The following SLC38A2 variants were observed in gnomAD, a reference collection of about 807,000 sequenced individuals.
The protein encoded by SLC38A2 is solute carrier family 38 member 2.
A neutral mutation model predicts 61.5 loss-of-function variants in SLC38A2; 11 were observed. That is an observed-to-expected ratio of 0.18 (90% CI 0.11 to 0.30). SLC38A2 has a LOEUF of 0.30. Ranked by LOEUF, SLC38A2 falls within the 10% of genes least tolerant of loss-of-function variation. SLC38A2 has a pLI of 1.00. For synonymous variants in SLC38A2, 217 were observed against 212.5 expected (o/e 1.02, Z -0.18); for missense variants, 522 against 600.4 (o/e 0.87, Z 1.36).
chr12:46,361,056 G>A lies in SLC38A2; in HGVS notation c.*55C>T. 2 of 1,344,436 alleles carry A rather than the reference G, an allele frequency of 1.5e-6. No individual in the cohort carries two copies. The highest frequency in any genetic ancestry group is 2.1e-6 in the Non-Finnish European group (2 of 946,736). The allele number at this position is 1,344,436 out of a possible 1,614,324, so 83.3% of individuals were successfully genotyped here. A position where few individuals can be genotyped will look rare whatever the true frequency, so the allele number is the denominator to read the frequency against. On this transcript the variant is annotated 3_prime_UTR_variant, in exon 16 of 16. Coordinates refer to ENST00000256689, the MANE Select transcript of SLC38A2 (RefSeq NM_018976.5). ...CATTAGGTGAAATTTCATAGTAGTT[G>A]AGTTTACTCAACACTGGCATCAGAT...
rs1396586310 is a variant in SLC38A2, at chr12:46,365,120, C to G, written c.633G>C (p.Leu211=). ...GAGTTTGCTCACCTAAATTTCTAAA[C>G]AGCGACAAAGGAAGAATGACCACCA... The part of the protein sequence containing the change: ...VSLVVILPLS[L]FRNLGYLGYT... Residue 211 remains leucine (L), a synonymous_variant, in exon 8 of 16, where the codon CTG becomes CTC. Transcript: ENST00000256689. 2 of 1,613,178 alleles carry G rather than the reference C, an allele frequency of 1.2e-6. No homozygotes were observed. The highest frequency in any genetic ancestry group is 1.7e-6 in the Non-Finnish European group (2 of 1,179,510).
intron 4 of SLC38A2, 43 bp downstream of exon 4, chr12:46,370,469 G>C (rs756692450): frequency 3.7e-5 from 52 of 1,416,114 alleles, no homozygotes; most frequent in Non-Finnish European, 5.1e-5. Context: ...TTTTACCATA[G>C]TAACTGCCCT....
Position 46,365,205 on chromosome 12 carries a change from A to C in SLC38A2, c.564-16T>G. ...ATACCACAATCTAAAGAAAACAGAA[A>C]CAAGGTCAAAACAGTCACAAATATC... is the stretch of plus-strand genomic sequence containing the variant. On this transcript the variant is annotated splice_polypyrimidine_tract_variant and intron_variant, in intron 7 of 15. Coordinates refer to ENST00000256689, the MANE Select transcript of SLC38A2 (RefSeq NM_018976.5). 1 of 1,602,770 alleles carries C rather than the reference A, an allele frequency of 6.2e-7. No homozygotes were observed. Among genetic ancestry groups the C allele is most frequent in the Non-Finnish European group, 8.5e-7 (1 of 1,169,864 alleles).
chr12:46,358,600 A>G lies in SLC38A2; in HGVS notation c.*2511T>C, dbSNP rs1473075022. 1 of 152,478 alleles carries G rather than the reference A, an allele frequency of 6.6e-6. No homozygotes were observed. Among genetic ancestry groups the G allele is most frequent in the Admixed American group, 6.5e-5 (1 of 15,270 alleles). 9.4% of individuals were successfully genotyped at this position (152,478 alleles called of 1,614,324 possible). On this transcript the variant is annotated 3_prime_UTR_variant, in exon 16 of 16. Transcript: ENST00000256689. ...TTTCTGTACAGGTACTTTTGGGACA[A>G]TTCTTATAGTTACATAATGTGAATT...
At chr12:46,368,892 A>G (rs1410175503) in intron 4 of SLC38A2, among the ~76,000 whole-genome samples, 2 of 152,218 alleles carry the variant, frequency 1.3e-5, no homozygotes, top group African/African-American at 4.8e-5. Context: ...GATTCTACTT[A>G]AACAGGTTAG....
At chr12:46,364,337 C>T in intron 10 of SLC38A2, 52 bp downstream of exon 10, 1 of 1,497,732 alleles carries the variant, frequency 6.7e-7, no homozygotes, top group South Asian at 1.4e-5. Context: ...GAATAGCTTC[C>T]CTCTTTTCTT....
In SLC38A2 at chr12:46,359,493, T is replaced by C. The variant is rs1436565750; in HGVS notation, c.*1618A>G. ...ACCATGTCTCCACATTTCTGGCCCTTGCCCCAAACAACATTTTTAGTTCAA... is the reference window on the plus strand; with the variant it reads ...ACCATGTCTCCACATTTCTGGCCCTCGCCCCAAACAACATTTTTAGTTCAA... On this transcript the variant is annotated 3_prime_UTR_variant, in exon 16 of 16. Coordinates refer to ENST00000256689, the MANE Select transcript of SLC38A2 (RefSeq NM_018976.5). The C allele has an allele frequency of 6.6e-6, 1 of 152,646 alleles. No homozygotes were observed. Among genetic ancestry groups the C allele is most frequent in the Non-Finnish European group, 1.5e-5 (1 of 68,036 alleles). 9.5% of individuals were successfully genotyped at this position (152,646 alleles called of 1,614,324 possible).
Position 46,361,591 on chromosome 12 carries a change from C to G in SLC38A2, c.1423-382G>C, listed in dbSNP as rs117807703. On this transcript the variant is annotated intron_variant, in intron 15 of 15. Coordinates refer to ENST00000256689, the MANE Select transcript of SLC38A2 (RefSeq NM_018976.5). ...GCAAAAGTCAAAGCCAGAGGTCTTT[C>G]CAGGAAATACTAATTCCTAAATCCT... is the stretch of plus-strand genomic sequence containing the variant. Among the ~76,000 whole-genome samples the G allele has an allele frequency of 8.1e-3, 1,232 of 152,206 alleles. 12 individuals carry two copies. The highest frequency in any genetic ancestry group is 0.013 in the Non-Finnish European group (881 of 67,982).
chr12:46,366,639 T>G (rs1192443711), intron 7 of SLC38A2, among the ~76,000 whole-genome samples: 1 of 152,212 alleles, frequency 6.6e-6, no homozygotes, highest in Non-Finnish European at 1.5e-5. Flanking sequence ...GAAAACCTGT[T>G]TTAGAAATTA....
chr12:46,358,244 T>C lies in SLC38A2; in HGVS notation c.*2867A>G, dbSNP rs1565825156. 6.5e-6 allele frequency: 1 copy of C among 152,772 alleles called. No individual in the cohort carries two copies. Among genetic ancestry groups the C allele is most frequent in the African/African-American group, 2.4e-5 (1 of 41,576 alleles). 9.5% of individuals were successfully genotyped at this position (152,772 alleles called of 1,614,324 possible). A position where few individuals can be genotyped will look rare whatever the true frequency, so the allele number is the denominator to read the frequency against. The stretch of plus-strand genomic sequence containing the variant: ...GTTAAAACAAACATACATTGTTTCA[T>C]TGAAACGGTGTAGCACTCTTTGCCA... On this transcript the variant is annotated 3_prime_UTR_variant, in exon 16 of 16. Coordinates refer to ENST00000256689, the MANE Select transcript of SLC38A2 (RefSeq NM_018976.5).
chr12:46,372,431 G>GGCCCCTCCCGGAA lies in SLC38A2; in HGVS notation c.-87+65_-87+77dup, dbSNP rs567222185. ...GGACCCCGCGGCCGCCTTCCCGCGC[G>GGCCCCTCCCGGAA]GCCCCTCCCGGAAGCCCCTCCCCCA... On this transcript the variant is annotated intron_variant, in intron 1 of 15. Coordinates refer to ENST00000256689, the MANE Select transcript of SLC38A2 (RefSeq NM_018976.5). 1.9e-3 allele frequency: 680 copies of GGCCCCTCCCGGAA among 351,474 alleles called. 10 individuals are homozygous for GGCCCCTCCCGGAA. Among genetic ancestry groups the GGCCCCTCCCGGAA allele is most frequent in the African/African-American group, 0.014 (642 of 46,934 alleles). The allele number at this position is 351,474 out of a possible 1,614,324, so 21.8% of individuals were successfully genotyped here. A position where few individuals can be genotyped will look rare whatever the true frequency, so the allele number is the denominator to read the frequency against.
chr12:46,361,054 T>G lies in SLC38A2; in HGVS notation c.*57A>C. 7.5e-7 allele frequency: 1 copy of G among 1,332,142 alleles called. No homozygotes were observed. Among genetic ancestry groups the G allele is most frequent in the Non-Finnish European group, 1.1e-6 (1 of 936,092 alleles). The allele number at this position is 1,332,142 out of a possible 1,614,324, so 82.5% of individuals were successfully genotyped here. A position where few individuals can be genotyped will look rare whatever the true frequency, so the allele number is the denominator to read the frequency against. On this transcript the variant is annotated 3_prime_UTR_variant, in exon 16 of 16. Coordinates refer to ENST00000256689, the MANE Select transcript of SLC38A2 (RefSeq NM_018976.5). ...AACATTAGGTGAAATTTCATAGTAGTTGAGTTTACTCAACACTGGCATCAG... is the reference window on the plus strand; with the variant it reads ...AACATTAGGTGAAATTTCATAGTAGGTGAGTTTACTCAACACTGGCATCAG...
rs146766767 is a variant in SLC38A2 at position 46,360,472 on chromosome 12, A to C, written c.*639T>G. ...AATTTTTCATTACATCATTTTCTCT[A>C]AAAATTATTTTGGGTAAAAAAGTAT... is the stretch of plus-strand genomic sequence containing the variant. On this transcript the variant is annotated 3_prime_UTR_variant, in exon 16 of 16. Transcript: ENST00000256689. 9.2e-4 allele frequency: 140 copies of C among 152,328 alleles called. 1 individual carries two copies. The highest frequency in any genetic ancestry group is 3.2e-3 in the African/African-American group (134 of 41,590). The allele number at this position is 152,328 out of a possible 1,614,324, so 9.4% of individuals were successfully genotyped here.
rs1183590848 is a variant in SLC38A2, at chr12:46,360,842, T to A, written c.*269A>T. ...TGGCTTGATAAAAGTTAAGAGTTTG[T>A]CCATTCTCTGGAATGGAATAAAATT... On this transcript the variant is annotated 3_prime_UTR_variant, in exon 16 of 16. Coordinates refer to ENST00000256689, the MANE Select transcript of SLC38A2 (RefSeq NM_018976.5). The A allele has an allele frequency of 5.2e-6, 2 of 386,880 alleles. No homozygotes were observed. Among genetic ancestry groups the A allele is most frequent in the Non-Finnish European group, 9.2e-6 (2 of 216,842 alleles). 24.0% of individuals were successfully genotyped at this position (386,880 alleles called of 1,614,324 possible).
chr12:46,362,566 C>T lies in SLC38A2; in HGVS notation c.1252G>A (p.Val418Met), dbSNP rs755779775. Residue 418 changes from valine to methionine, a missense_variant, in exon 14 of 16, where the codon GTG (valine) becomes ATG (methionine). By Grantham distance (21) the Val-to-Met change is conservative. Around this residue, in one of 3 missense-constraint regions of SLC38A2, gnomAD observed 309 missense variants for 343.9 expected, o/e 0.90. Coordinates refer to ENST00000256689, the MANE Select transcript of SLC38A2 (RefSeq NM_018976.5). Reference sequence around the variant, plus strand: ...AAATTGGTAAATGCCAAGATAGACACTGTAATGAGACTATGACGCCACCAA... The same window carrying T: ...AAATTGGTAAATGCCAAGATAGACATTGTAATGAGACTATGACGCCACCAA... ...FSWWRHSLIT[V>M]SILAFTNLLV... 3 of 1,602,802 alleles carry T rather than the reference C, an allele frequency of 1.9e-6. No individual in the cohort carries two copies. The highest frequency in any genetic ancestry group is 1.3e-5 in the African/African-American group (1 of 74,252).
Position 46,361,003 on chromosome 12 carries a change from GCA to G in SLC38A2, c.*106_*107del. On this transcript the variant is annotated 3_prime_UTR_variant, in exon 16 of 16. Coordinates refer to ENST00000256689, the MANE Select transcript of SLC38A2 (RefSeq NM_018976.5). ...ACTCAGAAGAACCAGCGAGGAATCT[GCA>G]CTTCAAAAGGAAGTGAAACTGAAAA... The G allele has an allele frequency of 1.3e-6, 1 of 795,404 alleles. No homozygotes were observed. The highest frequency in any genetic ancestry group is 2.0e-6 in the Non-Finnish European group (1 of 490,884). 49.3% of individuals were successfully genotyped at this position (795,404 alleles called of 1,614,324 possible). A position where few individuals can be genotyped will look rare whatever the true frequency, so the allele number is the denominator to read the frequency against.
chr12:46,361,320 T>G, intron 15 of SLC38A2, 111 bp from the exon 16 acceptor site: 1 of 845,030 alleles, frequency 1.2e-6, no homozygotes, highest in Non-Finnish European at 1.9e-6. Flanking sequence ...CACTATATAA[T>G]CTATAGAAAG....
intron 7 of SLC38A2, among the ~76,000 whole-genome samples, chr12:46,365,966 A>G (rs1347204958): frequency 1.3e-5 from 2 of 152,186 alleles, no homozygotes; most frequent in Non-Finnish European, 2.9e-5. Flanking sequence ...TCTGCAGAAC[A>G]CCAACACTTA....
chr12:46,369,759 C>T (rs549210589), intron 4 of SLC38A2, among the ~76,000 whole-genome samples: 15 of 152,224 alleles, frequency 9.9e-5, no homozygotes, highest in East Asian at 1.9e-4. Flanking sequence ...GAGTCAGTGA[C>T]GCAAAAATGG....
Sources: allele counts gnomAD v4.1 joint callset (sites outside exome capture counted in the v4.1 genomes callset), GRCh38; gene constraint gnomAD v4.1.1; regional missense constraint gnomAD v4.1.1; transcripts MANE v1.5; gene names NCBI Gene and HGNC (gene_info 2026-07-23, HGNC 2026-07-21).